Variants in OLFML2B observed in about 807,000 individuals in gnomAD.
OLFML2B encodes olfactomedin-like protein 2B.
A neutral mutation model predicts 74.9 loss-of-function variants in OLFML2B; 57 were observed. The observed-to-expected ratio is 0.76, with a 90% CI of 0.61 to 0.95. The LOEUF is 0.95. Among genes scored for constraint, OLFML2B ranks in the 40% least tolerant of loss-of-function variants. The pLI, the probability that OLFML2B is intolerant of heterozygous loss-of-function variation, is 0.00. For missense variants in OLFML2B, 986 were observed against 970.6 expected, an observed-to-expected ratio of 1.02 and a Z score of -0.21; for synonymous variants, 388 against 405.8, an observed-to-expected ratio of 0.96 and a Z score of 0.53.
At chr1:162,016,921 T>C (rs1690558071) in intron 3 of OLFML2B, among the ~76,000 whole-genome samples, 1 of 152,236 alleles carries the variant, frequency 6.6e-6, no homozygotes, top group Non-Finnish European at 1.5e-5. Flanking sequence ...GTAGGGAACA[T>C]TACTTATTAG....
chr1:162,006,429 C>G lies in OLFML2B; in HGVS notation c.591G>C (p.Glu197Asp). 1 of 1,606,456 alleles carries G rather than the reference C, an allele frequency of 6.2e-7. No individual in the cohort carries two copies. The highest frequency in any genetic ancestry group is 8.5e-7 in the Non-Finnish European group (1 of 1,178,094). The change falls in exon 4 of 8, where the codon GAG becomes GAC. Residue 197 changes from glutamate (E) to aspartate (D), a missense_variant. By Grantham distance (45) the Glu-to-Asp change is conservative. Transcript: ENST00000294794. ...NLTKENEQIK[E>D]DMEEIRTEMN... is the part of the protein sequence containing the mutation. ...TCTCGGTTCGAATTTCTTCCATGTC[C>G]TCTTTGATTTGTTCATTTTCCTTGG...
At chr1:162,019,455 C>A (rs1304301182) in intron 2 of OLFML2B, among the ~76,000 whole-genome samples, 1 of 152,220 alleles carries the variant, frequency 6.6e-6, no homozygotes, top group Non-Finnish European at 1.5e-5. Flanking sequence ...CTTCCCTACC[C>A]TAAGGACCAT....
chr1:162,022,004 C>T (rs1690715330), intron 1 of OLFML2B, among the ~76,000 whole-genome samples: 4 of 152,080 alleles, frequency 2.6e-5, no homozygotes, highest in African/African-American at 9.7e-5. Flanking sequence ...GCTGATTATT[C>T]TCTCTACAGG....
At chr1:161,993,493 C>CA (rs1258287305) in intron 6 of OLFML2B, among the ~76,000 whole-genome samples, 1 of 152,228 alleles carries the variant, frequency 6.6e-6, no homozygotes, top group Non-Finnish European at 1.5e-5. Context: ...CCACGGCACT[C>CA]ACACATCCTG....
In OLFML2B at chr1:161,998,169, T is replaced by C. The variant is rs1453486564; in HGVS notation, c.1130A>G (p.Gln377Arg). ...RTAPWSSALP[Q>R]PSTSDPSIAN... ...GATGCTGGGATCTGAGGTCGAGGGC[T>C]GTGGCAGTGCTGAGGACCAGGGTGC... Residue 377 changes from glutamine (Q) to arginine (R), a missense_variant, in exon 6 of 8, where the codon CAG (glutamine) becomes CGG (arginine). Coordinates refer to ENST00000294794, the MANE Select transcript of OLFML2B (RefSeq NM_015441.3). 1.1e-5 allele frequency: 17 copies of C among 1,614,016 alleles called. No homozygotes were observed. The highest frequency in any genetic ancestry group is 1.0e-5 in the Non-Finnish European group (12 of 1,180,046).
At chr1:161,994,110 T>C (rs1190915731) in intron 6 of OLFML2B, among the ~76,000 whole-genome samples, 1 of 152,242 alleles carries the variant, frequency 6.6e-6, no homozygotes, top group Non-Finnish European at 1.5e-5. Flanking sequence ...GATTTCCAGT[T>C]TTCTGAGCAA....
At chr1:162,002,910 G>A (rs1367481627) in intron 4 of OLFML2B, among the ~76,000 whole-genome samples, 1 of 152,184 alleles carries the variant, frequency 6.6e-6, no homozygotes, top group Non-Finnish European at 1.5e-5. Flanking sequence ...CACCTATTAT[G>A]GCCATGTCCC....
intron 2 of OLFML2B, 150 bp downstream of exon 2, chr1:162,019,769 T>C: frequency 2.0e-6 from 2 of 1,009,118 alleles, no homozygotes; most frequent in Non-Finnish European, 2.8e-6. Context: ...ACAAGTTTGC[T>C]AGGACATCAA....
rs371782740 is a variant in OLFML2B, at chr1:161,995,333, C to A, written c.1474+2492G>T. ...TGCAGTCGACATAAGAGGTGAGAAC[C>A]CCAGCTCCTCTGAAAAATGCCACGG... is the stretch of plus-strand genomic sequence containing the variant. On this transcript the variant is annotated intron_variant, in intron 6 of 7. Transcript: ENST00000294794. 4.6e-4 allele frequency among the ~76,000 whole-genome samples: 70 copies of A among 152,302 alleles called. 2 individuals carry two copies. The East Asian group carries it at 0.013, about 28-fold the overall frequency.
At position 162,007,462 on chromosome 1, in the gene OLFML2B, T is replaced by A. The variant is rs184662736; in HGVS notation, c.547-989A>T. Among the ~76,000 whole-genome samples the A allele has an allele frequency of 1.6e-3, 237 of 152,312 alleles. 5 individuals are homozygous for A. The highest frequency in any genetic ancestry group is 0.014 in the Admixed American group (216 of 15,306). ...CTAGTTATTTTTAAAGAGATTTGACTATATTGAGATCCAACTTTGGCCCTC... is the reference window on the plus strand; with the variant it reads ...CTAGTTATTTTTAAAGAGATTTGACAATATTGAGATCCAACTTTGGCCCTC... On this transcript the variant is annotated intron_variant, in intron 3 of 7. Transcript: ENST00000294794.
At chr1:162,007,484 C>A (rs1558063849) in intron 3 of OLFML2B, among the ~76,000 whole-genome samples, 1 of 152,130 alleles carries the variant, frequency 6.6e-6, no homozygotes, top group Admixed American at 6.5e-5. Flanking sequence ...CAACTTTGGC[C>A]CTCATTCTAA....
At chr1:162,013,891 AACACACAC>A (rs59665350) in intron 3 of OLFML2B, among the ~76,000 whole-genome samples, 71,280 of 142,896 alleles carry the variant, frequency 0.5, 18,946 homozygotes, top group Admixed American at 0.61. Context: ...AAAAAAGCCC[AACACACAC>A]ACACACACAC....
chr1:162,020,363 G>C (rs190465799), intron 1 of OLFML2B, among the ~76,000 whole-genome samples, 181 bp from the exon 2 acceptor site: 1 of 152,178 alleles, frequency 6.6e-6, no homozygotes, highest in Non-Finnish European at 1.5e-5. Context: ...TTCCTTGAAG[G>C]CATTCAGAGT....
intron 6 of OLFML2B, among the ~76,000 whole-genome samples, chr1:161,997,601 T>C (rs944251611): frequency 1.3e-5 from 2 of 152,248 alleles, no homozygotes; most frequent in Non-Finnish European, 2.9e-5. Flanking sequence ...CATTAATTTA[T>C]ATGTCTATTT....
intron 3 of OLFML2B, among the ~76,000 whole-genome samples, chr1:162,015,044 T>C (rs1034038130): frequency 1.3e-5 from 2 of 152,208 alleles, no homozygotes; most frequent in Admixed American, 6.5e-5. Flanking sequence ...TCATCTAATT[T>C]CCTTGGCTCT....
intron 6 of OLFML2B, 51 bp from the exon 7 acceptor site, chr1:161,985,031 A>T: frequency 8.0e-6 from 12 of 1,496,180 alleles, no homozygotes; most frequent in South Asian, 3.9e-5. Context: ...GTGATGCCTC[A>T]CCCCTTAAAC....
chr1:162,018,004 C>T (rs1558068834), intron 2 of OLFML2B, among the ~76,000 whole-genome samples: 1 of 152,146 alleles, frequency 6.6e-6, no homozygotes, highest in Non-Finnish European at 1.5e-5. Flanking sequence ...AGCTGGAGGC[C>T]ATTATCCTTA....
Position 162,019,921 on chromosome 1 carries a change from T to C in OLFML2B, c.436A>G (p.Lys146Glu), listed in dbSNP as rs997295868. 6.4e-5 allele frequency: 103 copies of C among 1,613,950 alleles called. No homozygotes were observed. Among genetic ancestry groups the C allele is most frequent in the Non-Finnish European group, 8.6e-5 (101 of 1,179,988 alleles). Residue 146 changes from lysine to glutamate, a missense_variant and splice_region_variant, in exon 2 of 8, where the codon AAG (lysine) becomes GAG (glutamate). Transcript: ENST00000294794. ...CATTGCCCCATACCAGGTCCTACCT[T>C]CAAGTCCTGGCTGTCTGCCTCCCGC... is the stretch of plus-strand genomic sequence containing the variant. ...KLREADSQDL[K>E]LSTIIDMLEG...
Position 161,983,834 on chromosome 1 carries a change from G to T in OLFML2B, c.2094C>A (p.Tyr698Ter), listed in dbSNP as rs150437510. 6 of 1,614,028 alleles carry T rather than the reference G, an allele frequency of 3.7e-6. No homozygotes were observed. The African/African-American group carries it at 4.0e-5, about 11-fold the overall frequency. ...GTGTGTTGGTGTGGGTGTCGAAAGC[G>T]TAGGAGATGTTGGCATTCCGCTGGT... The part of the protein sequence containing the change: ...SYNQRNANIS[Y>*]AFDTHTNTQI... Residue 698 changes from tyrosine to a stop codon, truncating the protein, a stop_gained, in exon 8 of 8, where the codon TAC (tyrosine) becomes TAA (stop). Coordinates refer to ENST00000294794, the MANE Select transcript of OLFML2B (RefSeq NM_015441.3). LOFTEE classifies it high-confidence loss of function.
Sources: allele counts gnomAD v4.1 joint callset (sites outside exome capture counted in the v4.1 genomes callset), GRCh38; gene constraint gnomAD v4.1.1; transcripts MANE v1.5; gene names NCBI Gene and HGNC (gene_info 2026-07-23, HGNC 2026-07-21).